The following PCDH15 variants were observed in gnomAD, a reference collection of about 807,000 sequenced individuals.
PCDH15 encodes the protein protocadherin related 15.
In PCDH15, 129 loss-of-function variants were observed where a neutral mutation model predicts 178.5. The ratio of observed to expected loss-of-function variants is 0.72; its 90% CI spans 0.63 to 0.84. The LOEUF (loss-of-function observed/expected upper bound fraction) is 0.84, where lower values mean the gene tolerates loss of function less well. PCDH15 is among the 40% of genes least tolerant of loss of function. PCDH15 has a pLI of 0.00. For synonymous variants in PCDH15, 800 were observed against 732.0 expected, an observed-to-expected ratio of 1.09 and a Z score of -1.50; for missense variants, 2,230 against 2,099.9, an observed-to-expected ratio of 1.06 and a Z score of -1.21.
chr10:54,709,252 A>G (rs76581197), intron 1 of PCDH15, among the ~76,000 whole-genome samples: 1 of 149,276 alleles, frequency 6.7e-6, no homozygotes, highest in Non-Finnish European at 1.5e-5. Flanking sequence ...ATCACATCGT[A>G]TAGAAACAGA....
At chr10:55,093,899 C>T (rs958308086) in intron 2 of PCDH15, among the ~76,000 whole-genome samples, 6 of 152,052 alleles carry the variant, frequency 3.9e-5, no homozygotes, top group Non-Finnish European at 7.4e-5. Flanking sequence ...ACAACAGGTG[C>T]TGGAGAGGAT....
At chr10:55,012,899 C>A (rs1420586757) in intron 2 of PCDH15, among the ~76,000 whole-genome samples, 1 of 152,066 alleles carries the variant, frequency 6.6e-6, no homozygotes, top group African/African-American at 2.4e-5. Flanking sequence ...TTCTTTTAAA[C>A]TAAGTACCAA....
rs535935200 is a variant in PCDH15 at position 54,254,216 on chromosome 10, T to C, written c.877-17285A>G. ...ACCTACTGTCTCACCCCGTGGTTAG[T>C]GTATGTGACTTAAGAAGCAATGATT... On this transcript the variant is annotated intron_variant, in intron 8 of 37. Transcript: ENST00000644397. Among the ~76,000 whole-genome samples, 21 of 152,218 alleles carry C rather than the reference T, an allele frequency of 1.4e-4. 1 individual carries two copies. The South Asian group carries it at 4.1e-3, about 30-fold the overall frequency.
chr10:55,312,177 C>T (rs528367635), intron 1 of PCDH15, among the ~76,000 whole-genome samples: 118 of 151,878 alleles, frequency 7.8e-4, no homozygotes, highest in Non-Finnish European at 1.3e-3. Context: ...AAAACCCATT[C>T]GTGTCATATC....
intron 2 of PCDH15, among the ~76,000 whole-genome samples, chr10:54,943,264 C>A (rs1838107583): frequency 6.6e-6 from 1 of 151,876 alleles, no homozygotes; most frequent in African/African-American, 2.4e-5. Flanking sequence ...TCTTGGTGTT[C>A]ATCCTCAAAG....
intron 2 of PCDH15, among the ~76,000 whole-genome samples, chr10:54,948,944 T>G (rs1337434302): frequency 6.6e-6 from 1 of 151,906 alleles, no homozygotes; most frequent in Non-Finnish European, 1.5e-5. Context: ...CTTGGTCTCT[T>G]TTTTTAAGAT....
chr10:54,520,470 T>C (rs868091954), intron 3 of PCDH15, among the ~76,000 whole-genome samples: 2 of 151,880 alleles, frequency 1.3e-5, no homozygotes, highest in African/African-American at 2.4e-5. Flanking sequence ...AAAATGCTCA[T>C]CATCACTGGC....
intron 18 of PCDH15, among the ~76,000 whole-genome samples, chr10:54,060,804 G>C (rs1466473901): frequency 1.3e-5 from 2 of 152,174 alleles, no homozygotes; most frequent in Non-Finnish European, 2.9e-5. Flanking sequence ...CAAGTGACCA[G>C]GGAGTGGTCG....
At chr10:55,076,892 C>T (rs1489489537) in intron 2 of PCDH15, among the ~76,000 whole-genome samples, 2 of 151,222 alleles carry the variant, frequency 1.3e-5, no homozygotes, top group Non-Finnish European at 2.9e-5. Context: ...CCTCAGCCTC[C>T]TGAGTAGCTG....
chr10:53,859,568 T>C (rs532680265), intron 27 of PCDH15, among the ~76,000 whole-genome samples: 40 of 152,218 alleles, frequency 2.6e-4, no homozygotes, highest in African/African-American at 9.6e-4. Flanking sequence ...AATTTTCCAC[T>C]GTCTCTTATT....
chr10:54,613,773 C>G (rs939968361), intron 2 of PCDH15, among the ~76,000 whole-genome samples: 1 of 151,616 alleles, frequency 6.6e-6, no homozygotes, highest in African/African-American at 2.4e-5. Flanking sequence ...CAAAAACACA[C>G]ACAAAAAATC....
intron 25 of PCDH15, among the ~76,000 whole-genome samples, chr10:53,931,414 C>T (rs1205178642): frequency 1.3e-5 from 2 of 152,182 alleles, no homozygotes; most frequent in Non-Finnish European, 2.9e-5. Context: ...ATTTTCCAGA[C>T]TCACTCATGC....
chr10:54,032,634 C>T lies in PCDH15; in HGVS notation c.2221-9437G>A, dbSNP rs550551212. Among the ~76,000 whole-genome samples, 29 of 152,070 alleles carry T rather than the reference C, an allele frequency of 1.9e-4. No individual in the cohort carries two copies. The East Asian group carries it at 4.4e-3, about 23-fold the overall frequency. On this transcript the variant is annotated intron_variant, in intron 18 of 37. Coordinates refer to ENST00000644397, the MANE Select transcript of PCDH15 (RefSeq NM_001384140.1). Reference sequence around the variant, plus strand: ...AGAAGAAATATAAGAAAATAAGACACATTTTGTTCTTTAAATAAAACTTAA... The same window carrying T: ...AGAAGAAATATAAGAAAATAAGACATATTTTGTTCTTTAAATAAAACTTAA...
intron 2 of PCDH15, among the ~76,000 whole-genome samples, chr10:55,329,867 C>G (rs1349085474): frequency 2.0e-5 from 3 of 151,674 alleles, no homozygotes; most frequent in Admixed American, 6.6e-5. Context: ...AACACCTTCC[C>G]AAGACCTATT....
At chr10:53,938,010 G>A (rs2085725952) in intron 25 of PCDH15, among the ~76,000 whole-genome samples, 1 of 152,084 alleles carries the variant, frequency 6.6e-6, no homozygotes, top group African/African-American at 2.4e-5. Context: ...GATTTTAAAA[G>A]GGTTGCTCTG....
At chr10:54,428,692 A>C (rs1254092859) in intron 3 of PCDH15, among the ~76,000 whole-genome samples, 2 of 152,224 alleles carry the variant, frequency 1.3e-5, no homozygotes, top group East Asian at 3.9e-4. Context: ...AAGCAGCAAG[A>C]GAACAAACAA....
intron 8 of PCDH15, among the ~76,000 whole-genome samples, chr10:54,262,614 C>A (rs771084448): frequency 1.3e-5 from 2 of 152,172 alleles, no homozygotes; most frequent in Non-Finnish European, 2.9e-5. Flanking sequence ...GACTCCAGTA[C>A]ACCACGCAGG....
chr10:55,146,223 G>A (rs7904758), intron 2 of PCDH15, among the ~76,000 whole-genome samples: 56,564 of 151,750 alleles, frequency 0.37, 10,953 homozygotes, highest in Admixed American at 0.47. Context: ...AACTTGTTTC[G>A]CCAAATGACT....
In PCDH15 at chr10:55,357,797, A is replaced by T. The variant is rs1053297749; in HGVS notation, c.-155-191146T>A. ...GGTGGTATTTGTCTGAGCTTTGTTAATCCTAAATAAAAAGTGCTCAAACTC... is the reference window on the plus strand; with the variant it reads ...GGTGGTATTTGTCTGAGCTTTGTTATTCCTAAATAAAAAGTGCTCAAACTC... On this transcript the variant is annotated intron_variant, in intron 2 of 5. Coordinates refer to the PCDH15 transcript ENST00000613346. Among the ~76,000 whole-genome samples the T allele has an allele frequency of 2.2e-4, 34 of 152,138 alleles. No homozygotes were observed. The South Asian group carries it at 2.3e-3, about 10-fold the overall frequency.
Sources: allele counts gnomAD v4.1 joint callset (sites outside exome capture counted in the v4.1 genomes callset), GRCh38; gene constraint gnomAD v4.1.1; transcripts MANE v1.5; gene names NCBI Gene and HGNC (gene_info 2026-07-23, HGNC 2026-07-21).